The following ALK variants were observed in gnomAD, a reference collection of about 807,000 sequenced individuals.
The protein encoded by ALK is ALK tyrosine kinase receptor.
ALK carries 74 observed loss-of-function variants against 163.1 expected under a neutral mutation model. That is an observed-to-expected ratio of 0.45 (90% CI 0.38 to 0.55). ALK has a LOEUF of 0.55. Among genes scored for constraint, ALK ranks in the 20% least tolerant of loss-of-function variants. The probability of loss-of-function intolerance (pLI) is 0.00; values close to 1 mark genes in which losing one functional copy is unlikely to be tolerated. For synonymous variants in ALK, 960 were observed against 843.2 expected (o/e 1.14, Z -2.40); for missense variants, 2,063 against 2,105.3 (o/e 0.98, Z 0.39).
At chr2:29,717,190 AGAG>A (rs1679286656) in intron 2 of ALK, among the ~76,000 whole-genome samples, 1 of 114,542 alleles carries the variant, frequency 8.7e-6, no homozygotes, top group African/African-American at 5.8e-5. Flanking sequence ...AAAAAAAAAA[AGAG>A]AGAGAGAGAG....
At chr2:29,827,722 G>T (rs376644793) in intron 1 of ALK, among the ~76,000 whole-genome samples, 4 of 152,144 alleles carry the variant, frequency 2.6e-5, no homozygotes, top group African/African-American at 9.7e-5. Flanking sequence ...AATCAATATC[G>T]TGAAAATGGC....
intron 4 of ALK, among the ~76,000 whole-genome samples, chr2:29,524,721 A>G (rs1265915757): frequency 1.3e-5 from 2 of 152,224 alleles, no homozygotes; most frequent in African/African-American, 2.4e-5. Flanking sequence ...ATGAGAGTCA[A>G]TATGTGAAGT....
At chr2:29,578,480 C>G (rs116273272) in intron 3 of ALK, among the ~76,000 whole-genome samples, 1 of 152,128 alleles carries the variant, frequency 6.6e-6, no homozygotes, top group Non-Finnish European at 1.5e-5. Context: ...GTGCTGATGC[C>G]GAAAGGGTCT....
intron 1 of ALK, among the ~76,000 whole-genome samples, chr2:29,802,545 AGGG>A (rs1329549233): frequency 0.018 from 228 of 12,386 alleles, 41 homozygotes; most frequent in East Asian, 0.04. Flanking sequence ...AGAGGAGGGG[AGGG>A]GAGGGGAGGA....
intron 3 of ALK, among the ~76,000 whole-genome samples, chr2:29,577,662 C>T (rs548283302): frequency 1.8e-4 from 27 of 152,294 alleles, no homozygotes; most frequent in African/African-American, 6.5e-4. Context: ...AGTGCAACCT[C>T]CCCCAGCTCT....
chr2:29,348,192 G>A (rs1424217032), intron 5 of ALK, among the ~76,000 whole-genome samples: 1 of 152,086 alleles, frequency 6.6e-6, no homozygotes, highest in Non-Finnish European at 1.5e-5. Flanking sequence ...CCCTACCCTA[G>A]TGAGCCCAAG....
At chr2:29,543,543 G>C (rs1028195084) in intron 3 of ALK, among the ~76,000 whole-genome samples, 1 of 152,140 alleles carries the variant, frequency 6.6e-6, no homozygotes, top group African/African-American at 2.4e-5. Flanking sequence ...CTTTTTCCTA[G>C]CCCTATGGTT....
intron 1 of ALK, among the ~76,000 whole-genome samples, chr2:29,906,939 T>TTTTTTTTTG (rs1667565633): frequency 2.2e-4 from 1 of 4,556 alleles, no homozygotes; most frequent in African/African-American, 5.3e-4. Context: ...CATTTAAGGT[T>TTTTTTTTTG]TTTTTTTTTT....
intron 3 of ALK, among the ~76,000 whole-genome samples, chr2:29,673,647 A>C (rs1204535449): frequency 6.6e-6 from 1 of 150,614 alleles, no homozygotes; most frequent in African/African-American, 2.5e-5. Context: ...CTTAGGATTG[A>C]CTTGGAAATG....
intron 4 of ALK, among the ~76,000 whole-genome samples, chr2:29,413,851 C>A (rs150791288): frequency 6.6e-6 from 1 of 152,048 alleles, no homozygotes; most frequent in East Asian, 1.9e-4. Context: ...ATATTTTAGT[C>A]GAGACGGGGT....
At chr2:29,614,008 CACTGATCCTGTCCAG>C (rs1675768891) in intron 3 of ALK, among the ~76,000 whole-genome samples, 1 of 152,158 alleles carries the variant, frequency 6.6e-6, no homozygotes, top group Non-Finnish European at 1.5e-5. Context: ...TTCCAATCAG[CACTGATCCTGTCCAG>C]ACAGCCTTGT....
At chr2:29,243,347 C>G (rs142445045) in intron 12 of ALK, among the ~76,000 whole-genome samples, 4 of 152,322 alleles carry the variant, frequency 2.6e-5, no homozygotes, top group African/African-American at 7.2e-5. Context: ...TATTTACCCC[C>G]GCTCTGAGCC....
At chr2:29,242,825 A>G (rs1664559073) in intron 12 of ALK, among the ~76,000 whole-genome samples, 1 of 152,226 alleles carries the variant, frequency 6.6e-6, no homozygotes, top group African/African-American at 2.4e-5. Flanking sequence ...TCTAGATTCC[A>G]AAGTAGACAG....
At chr2:29,250,692 G>T (rs1271767940) in intron 12 of ALK, among the ~76,000 whole-genome samples, 4 of 152,188 alleles carry the variant, frequency 2.6e-5, no homozygotes, top group East Asian at 1.9e-4. Context: ...AACAGTGAAG[G>T]CCCAGGAAAG....
chr2:29,918,792 G>A (rs531993485), intron 1 of ALK, among the ~76,000 whole-genome samples: 2 of 152,300 alleles, frequency 1.3e-5, no homozygotes, highest in African/African-American at 4.8e-5. Flanking sequence ...ATTAATATTA[G>A]ACATTAGTAG....
In ALK at chr2:29,328,349, C is replaced by T. The variant is rs777414641; in HGVS notation, c.1414+1G>A. On this transcript the variant is annotated splice_donor_variant, in intron 6 of 28. Transcript: ENST00000389048. LOFTEE classifies it high-confidence loss of function. ...AGGGTGGGGCAGCCCCATCTACTCACGGCACATCTGGCTCTCATCTTCTCC... is the reference window on the plus strand; with the variant it reads ...AGGGTGGGGCAGCCCCATCTACTCATGGCACATCTGGCTCTCATCTTCTCC... 15 of 1,613,996 alleles carry T rather than the reference C, an allele frequency of 9.3e-6. No homozygotes were observed. Among genetic ancestry groups the T allele is most frequent in the African/African-American group, 5.3e-5 (4 of 74,920 alleles).
rs546593832 is a variant in ALK at position 29,786,225 on chromosome 2, C to T, written c.668-68528G>A. 3.3e-5 allele frequency among the ~76,000 whole-genome samples: 5 copies of T among 152,136 alleles called. No homozygotes were observed. In the South Asian group the frequency reaches 1.0e-3, roughly 32 times the overall value. ...CTTTTCCCATCCAGTCTTTTCGTTT[C>T]TTTCCCTTATATTATCTGAAATGTC... On this transcript the variant is annotated intron_variant, in intron 1 of 28. Transcript: ENST00000389048.
At chr2:29,203,811 A>AT (rs763800539) in intron 26 of ALK, among the ~76,000 whole-genome samples, 2 of 151,704 alleles carry the variant, frequency 1.3e-5, no homozygotes, top group Non-Finnish European at 2.9e-5. Flanking sequence ...CCCCATGGTG[A>AT]TTGGCACTTG....
intron 3 of ALK, among the ~76,000 whole-genome samples, chr2:29,626,424 T>G (rs926470617): frequency 6.6e-6 from 1 of 152,176 alleles, no homozygotes; most frequent in Admixed American, 6.5e-5. Flanking sequence ...CCTGCTGCCA[T>G]GTAAGACATC....
Sources: gnomAD v4.1 joint callset for allele counts (sites outside exome capture counted in the v4.1 genomes callset) on GRCh38, gnomAD v4.1.1 for gene constraint, MANE v1.5 for transcripts, NCBI Gene and HGNC (gene_info 2026-07-23, HGNC 2026-07-21) for gene names.